The following AKT3 variants were observed in gnomAD, a reference collection of about 807,000 sequenced individuals.
AKT3 encodes the protein AKT serine/threonine kinase 3.
Under a neutral mutation model 65.3 loss-of-function variants are expected in AKT3, and 15 were observed. The ratio of observed to expected loss-of-function variants is 0.23; its 90% CI spans 0.15 to 0.35. The LOEUF (loss-of-function observed/expected upper bound fraction) is 0.35. Ranked by LOEUF, AKT3 falls within the 10% of genes least tolerant of loss-of-function variation. The probability of loss-of-function intolerance (pLI) is 1.00; values close to 1 mark genes in which losing one functional copy is unlikely to be tolerated. For synonymous variants in AKT3, 206 were observed against 183.8 expected (o/e 1.12, Z -0.98); for missense variants, 243 against 576.5 (o/e 0.42, Z 5.92).
intron 2 of AKT3, among the ~76,000 whole-genome samples, chr1:243,722,179 G>C: frequency 6.6e-6 from 1 of 152,084 alleles, no homozygotes; most frequent in East Asian, 1.9e-4. Context: ...CATATATTTT[G>C]ACACATCTGC....
At chr1:243,542,387 C>A (rs1672379947) in intron 12 of AKT3, among the ~76,000 whole-genome samples, 1 of 152,118 alleles carries the variant, frequency 6.6e-6, no homozygotes, top group African/African-American at 2.4e-5. Context: ...TAGAGTGGTA[C>A]ATCATGCTAC....
At chr1:243,759,512 T>C in intron 2 of AKT3, among the ~76,000 whole-genome samples, 1 of 150,312 alleles carries the variant, frequency 6.7e-6, no homozygotes, top group East Asian at 2.0e-4. Context: ...CTTCCCAAAA[T>C]AACATGATGG....
intron 4 of AKT3, among the ~76,000 whole-genome samples, chr1:243,656,373 T>TA (rs1195529511): frequency 6.6e-6 from 1 of 152,142 alleles, no homozygotes; most frequent in South Asian, 2.1e-4. Flanking sequence ...TACTAAAGTT[T>TA]AAAAAAGGAA....
chr1:243,628,304 CT>C (rs768623078), intron 6 of AKT3, among the ~76,000 whole-genome samples: 51 of 147,028 alleles, frequency 3.5e-4, no homozygotes, highest in Non-Finnish European at 3.3e-4. Flanking sequence ...AGAAGAAAAC[CT>C]TTTTTTTTTT....
intron 8 of AKT3, among the ~76,000 whole-genome samples, chr1:243,574,713 G>C (rs1382093137): frequency 1.3e-5 from 2 of 152,106 alleles, no homozygotes; most frequent in African/African-American, 4.8e-5. Context: ...AGGATAGAAA[G>C]TAGAAGGAGC....
intron 8 of AKT3, among the ~76,000 whole-genome samples, chr1:243,593,227 T>C (rs1676358127): frequency 1.3e-5 from 2 of 152,190 alleles, no homozygotes. Context: ...CATGAAAAGA[T>C]GAGTACAGAT....
chr1:243,628,511 C>G (rs1679354262), intron 6 of AKT3, among the ~76,000 whole-genome samples: 1 of 152,138 alleles, frequency 6.6e-6, no homozygotes, highest in South Asian at 2.1e-4. Flanking sequence ...GTTGCCCAGG[C>G]TGAGTCTGAG....
chr1:243,688,181 C>G (rs1332464516), intron 3 of AKT3, among the ~76,000 whole-genome samples: 1 of 151,854 alleles, frequency 6.6e-6, no homozygotes, highest in East Asian at 1.9e-4. Context: ...ACCAAATCTT[C>G]AAGTGATAAA....
At chr1:243,595,290 T>C (rs532770147) in intron 8 of AKT3, among the ~76,000 whole-genome samples, 1 of 152,294 alleles carries the variant, frequency 6.6e-6, no homozygotes, top group South Asian at 2.1e-4. Flanking sequence ...TTAAAAACGA[T>C]ATACCTGTCT....
chr1:243,777,419 G>C (rs1365675357), intron 2 of AKT3, among the ~76,000 whole-genome samples: 1 of 152,160 alleles, frequency 6.6e-6, no homozygotes, highest in African/African-American at 2.4e-5. Context: ...GGGTGTTGGG[G>C]ACCCCTGCAC....
chr1:243,749,669 T>C (rs1688682076), intron 2 of AKT3, among the ~76,000 whole-genome samples: 1 of 152,208 alleles, frequency 6.6e-6, no homozygotes, highest in African/African-American at 2.4e-5. Flanking sequence ...TTTGACTCCA[T>C]TCCTTCAACC....
rs114958270 is a variant in AKT3, at chr1:243,780,474, A to G, written c.46+62651T>C. ...TTTCAGGAAACATGCACTTAAGTAT[A>G]TAAGACTAAAGGAGGCATCATGTCT... On this transcript the variant is annotated intron_variant, in intron 2 of 13. Coordinates refer to ENST00000673466, the MANE Select transcript of AKT3 (RefSeq NM_005465.7). 3.3e-3 allele frequency among the ~76,000 whole-genome samples: 504 copies of G among 151,990 alleles called. 4 individuals are homozygous for G. The highest frequency in any genetic ancestry group is 0.012 in the African/African-American group (499 of 41,464).
intron 12 of AKT3, among the ~76,000 whole-genome samples, chr1:243,531,241 C>A (rs1412963173): frequency 6.6e-6 from 1 of 152,038 alleles, no homozygotes; most frequent in East Asian, 1.9e-4. Context: ...CAGTCGTGCA[C>A]CACCATGCCC....
intron 13 of AKT3, among the ~76,000 whole-genome samples, chr1:243,506,137 C>G: frequency 6.6e-6 from 1 of 152,250 alleles, no homozygotes; most frequent in East Asian, 1.9e-4. Flanking sequence ...AGTCAACATG[C>G]GCTCCCACGC....
chr1:243,704,307 T>C (rs1685655222), intron 2 of AKT3, among the ~76,000 whole-genome samples: 1 of 152,128 alleles, frequency 6.6e-6, no homozygotes, highest in Non-Finnish European at 1.5e-5. Context: ...AAGGCAGCAA[T>C]AAATGATACA....
chr1:243,529,693 G>T (rs1671393837), intron 12 of AKT3, among the ~76,000 whole-genome samples: 1 of 152,144 alleles, frequency 6.6e-6, no homozygotes, highest in Admixed American at 6.5e-5. Flanking sequence ...GGTTACTATA[G>T]CCTGCAGTAT....
rs577118553 is a variant in AKT3 at position 243,800,745 on chromosome 1, A to T, written c.46+42380T>A. On this transcript the variant is annotated intron_variant, in intron 2 of 13. Transcript: ENST00000673466. ...GAAAAAAAAAAAAGAGAGATTATGT[A>T]TAATAATCACACTGGAGCGACAAGA... is the stretch of plus-strand genomic sequence containing the variant. Among the ~76,000 whole-genome samples the T allele has an allele frequency of 2.6e-3, 397 of 152,194 alleles. 2 individuals carry two copies. The highest frequency in any genetic ancestry group is 9.4e-3 in the African/African-American group (390 of 41,528).
chr1:243,519,358 C>T (rs966398058), intron 12 of AKT3, among the ~76,000 whole-genome samples: 5 of 152,172 alleles, frequency 3.3e-5, no homozygotes, highest in African/African-American at 1.2e-4. Flanking sequence ...AATAAAGATC[C>T]TGAAGCATTT....
chr1:243,626,566 G>C (rs966082524), intron 6 of AKT3, among the ~76,000 whole-genome samples: 1 of 152,150 alleles, frequency 6.6e-6, no homozygotes, highest in African/African-American at 2.4e-5. Context: ...CACAGAACCA[G>C]GGCTTTCTTT....
Sources: gnomAD v4.1 joint callset for allele counts (sites outside exome capture counted in the v4.1 genomes callset) on GRCh38, gnomAD v4.1.1 for gene constraint, MANE v1.5 for transcripts, NCBI Gene and HGNC (gene_info 2026-07-23, HGNC 2026-07-21) for gene names.